ABCB5: variants seen among roughly 807,000 people sequenced by gnomAD.
ABCB5 encodes the protein ATP binding cassette subfamily B member 5, also known as ATP-binding cassette sub-family B member 5.
Under a neutral mutation model 144.2 loss-of-function variants are expected in ABCB5, and 155 were observed. The observed-to-expected ratio is 1.08, with a 90% CI of 0.94 to 1.23. The LOEUF is 1.23. ABCB5 is among the 50% of genes most tolerant of loss of function. The pLI is 0.00. For synonymous variants in ABCB5, 610 were observed against 528.6 expected (o/e 1.15, Z -2.11); for missense variants, 1,830 against 1,520.8 (o/e 1.20, Z -3.38).
intron 26 of ABCB5, among the ~76,000 whole-genome samples, 182 bp downstream of exon 26, chr7:20,745,620 C>A (rs1294898404): frequency 3.9e-5 from 6 of 152,182 alleles, no homozygotes; most frequent in Non-Finnish European, 2.9e-5. Flanking sequence ...TTTCGTGTGA[C>A]GATTTTCCTA....
chr7:20,712,970 T>C (rs896092163), intron 20 of ABCB5, among the ~76,000 whole-genome samples: 1 of 149,714 alleles, frequency 6.7e-6, no homozygotes, highest in Non-Finnish European at 1.5e-5. Context: ...TTAACTATAG[T>C]TACCACGATA....
At chr7:20,729,020 C>A (rs189871955) in intron 23 of ABCB5, among the ~76,000 whole-genome samples, 3 of 152,024 alleles carry the variant, frequency 2.0e-5, no homozygotes, top group Non-Finnish European at 2.9e-5. Context: ...ATGATCAAAT[C>A]AGGGTAATTG....
chr7:20,638,729 G>C (rs1273672343), intron 5 of ABCB5, among the ~76,000 whole-genome samples: 1 of 152,248 alleles, frequency 6.6e-6, no homozygotes, highest in Non-Finnish European at 1.5e-5. Context: ...CCATTGCAAG[G>C]CTGTATCACA....
At chr7:20,749,353 C>T (rs546361096) in intron 26 of ABCB5, among the ~76,000 whole-genome samples, 66 of 150,016 alleles carry the variant, frequency 4.4e-4, no homozygotes, top group African/African-American at 1.4e-3. Flanking sequence ...TCACCCTCCC[C>T]GGGAGCTGCG....
At chr7:20,662,032 GC>G (rs1172879142) in intron 14 of ABCB5, among the ~76,000 whole-genome samples, 6 of 152,192 alleles carry the variant, frequency 3.9e-5, no homozygotes, top group Middle Eastern at 3.2e-3. Context: ...AGGAGACATG[GC>G]AGTGAGCACC....
chr7:20,666,843 C>T (rs1174831100), intron 14 of ABCB5: 5 of 1,513,404 alleles, frequency 3.3e-6, no homozygotes, highest in African/African-American at 1.4e-5. Flanking sequence ...ATGAATTGCA[C>T]TATCTCCCTA....
intron 23 of ABCB5, among the ~76,000 whole-genome samples, chr7:20,736,695 G>T (rs1452500137): frequency 6.6e-6 from 1 of 152,182 alleles, no homozygotes; most frequent in East Asian, 1.9e-4. Context: ...GAAGGATATG[G>T]TTTAACTATG....
At chr7:20,748,768 A>C (rs1782815734) in intron 26 of ABCB5, among the ~76,000 whole-genome samples, 3 of 152,142 alleles carry the variant, frequency 2.0e-5, no homozygotes, top group Admixed American at 2.0e-4. Flanking sequence ...TGGTGAAGCA[A>C]AAGTCTGAAA....
In ABCB5 at chr7:20,628,732, T is replaced by C; in HGVS notation, c.153T>C (p.Gly51=). The change falls in exon 4 of 28, where the codon GGT becomes GGC. Residue 51 remains glycine, a synonymous_variant. Transcript: ENST00000404938. Reference sequence around the variant, plus strand: ...TGGACATCACACTCATGATCCTGGGTATACTGGCATCACTGGTCAATGGAG... The same window carrying C: ...TGGACATCACACTCATGATCCTGGGCATACTGGCATCACTGGTCAATGGAG... ...DGLDITLMIL[G]ILASLVNGAC... 1 of 1,613,646 alleles carries C rather than the reference T, an allele frequency of 6.2e-7. No homozygotes were observed. The highest frequency in any genetic ancestry group is 8.5e-7 in the Non-Finnish European group (1 of 1,179,792).
rs773434836 is a variant in ABCB5, at chr7:20,685,815, G to A, written c.1989G>A (p.Glu663=). The change falls in exon 16 of 28, where the codon GAG becomes GAA. Residue 663 remains glutamate (E), a synonymous_variant. Transcript: ENST00000404938. ...AGTCAGACTTCATTGACAAGGCTGA[G>A]GAATCCACCCAATCTAAAGAGGTAA... The part of the protein sequence containing the change: ...SIKSDFIDKA[E]ESTQSKEISL... 1 of 1,611,138 alleles carries A rather than the reference G, an allele frequency of 6.2e-7. No individual in the cohort carries two copies. The highest frequency in any genetic ancestry group is 8.5e-7 in the Non-Finnish European group (1 of 1,179,170).
chr7:20,670,576 A>G (rs181009476), intron 14 of ABCB5, among the ~76,000 whole-genome samples: 1 of 152,348 alleles, frequency 6.6e-6, no homozygotes, highest in East Asian at 1.9e-4. Flanking sequence ...AGCGAGGCTT[A>G]GAATTACCAC....
intron 20 of ABCB5, among the ~76,000 whole-genome samples, chr7:20,710,455 T>C (rs1364154748): frequency 1.4e-5 from 2 of 147,696 alleles, no homozygotes; most frequent in African/African-American, 5.0e-5. Context: ...CATACCACTT[T>C]TACATGATGC....
intron 5 of ABCB5, among the ~76,000 whole-genome samples, chr7:20,633,128 C>T (rs1241994505): frequency 6.6e-6 from 1 of 151,890 alleles, no homozygotes; most frequent in Non-Finnish European, 1.5e-5. Context: ...GTTTTACTCA[C>T]ACTAAATTTG....
In ABCB5 at chr7:20,626,874, T is replaced by C. The variant is rs921415997; in HGVS notation, c.108+263T>C. 5.9e-5 allele frequency among the ~76,000 whole-genome samples: 9 copies of C among 151,756 alleles called. No homozygotes were observed. The East Asian group carries it at 9.7e-4, about 16-fold the overall frequency. On this transcript the variant is annotated intron_variant, in intron 3 of 27. Transcript: ENST00000404938. ...TTTGGGGTGTGTGTGTGTGTGTGTGTGTGTGTGTGTGTGTGTGTATCATAC... is the reference window on the plus strand; with the variant it reads ...TTTGGGGTGTGTGTGTGTGTGTGTGCGTGTGTGTGTGTGTGTGTATCATAC...
intron 3 of ABCB5, among the ~76,000 whole-genome samples, chr7:20,627,823 G>T (rs914450681): frequency 2.6e-5 from 4 of 152,092 alleles, no homozygotes; most frequent in Non-Finnish European, 5.9e-5. Context: ...CCATGATGCC[G>T]GTGAGCCAGA....
intron 14 of ABCB5, among the ~76,000 whole-genome samples, chr7:20,681,241 C>T (rs1277889067): frequency 2.0e-5 from 3 of 151,950 alleles, no homozygotes; most frequent in African/African-American, 7.2e-5. Flanking sequence ...ATTCTCCTGC[C>T]TCACCCTTCC....
At chr7:20,735,956 C>G (rs1782366521) in intron 23 of ABCB5, among the ~76,000 whole-genome samples, 2 of 152,042 alleles carry the variant, frequency 1.3e-5, no homozygotes, top group Admixed American at 6.6e-5. Flanking sequence ...TCCAAAGAAC[C>G]AAATAAATGT....
chr7:20,750,744 T>C (rs1291442900), intron 26 of ABCB5, among the ~76,000 whole-genome samples: 1 of 152,104 alleles, frequency 6.6e-6, no homozygotes, highest in African/African-American at 2.4e-5. Context: ...AGTGTGGATC[T>C]GTGTAACGGC....
At chr7:20,715,018 T>G (rs574265109) in intron 20 of ABCB5, among the ~76,000 whole-genome samples, 1 of 152,306 alleles carries the variant, frequency 6.6e-6, no homozygotes, top group Admixed American at 6.5e-5. Flanking sequence ...GCATGCTTTT[T>G]GTCTTTACTT....
Sources: gnomAD v4.1 joint callset for allele counts (sites outside exome capture counted in the v4.1 genomes callset) on GRCh38, gnomAD v4.1.1 for gene constraint, MANE v1.5 for transcripts, NCBI Gene and HGNC (gene_info 2026-07-23, HGNC 2026-07-21) for gene names.